PUDP: variants seen among roughly 807,000 people sequenced by gnomAD.
The protein encoded by PUDP is pseudouridine 5'-phosphatase, also known as pseudouridine-5'-phosphatase.
PUDP carries 8 observed loss-of-function variants against 9.4 expected under a neutral mutation model. That is an observed-to-expected ratio of 0.85 (90% confidence interval 0.50 to 1.53). The LOEUF (loss-of-function observed/expected upper bound fraction) is 1.53. Among genes scored for constraint, PUDP ranks in the 40% most tolerant of loss-of-function variants. PUDP has a pLI of 0.00. For missense variants in PUDP, 188 were observed against 189.7 expected, an observed-to-expected ratio of 0.99 and a Z score of 0.05; for synonymous variants, 99 against 80.7, an observed-to-expected ratio of 1.23 and a Z score of -1.22.
intron 3 of PUDP, among the ~76,000 whole-genome samples, chrX:6,804,052 A>T (rs1926008263): frequency 8.9e-6 from 1 of 111,787 alleles, no homozygotes; most frequent in African/African-American, 3.3e-5. Flanking sequence ...ATAGACATTT[A>T]GAAAAGCATG....
At chrX:7,063,238 C>T (rs897536341) in intron 3 of PUDP, among the ~76,000 whole-genome samples, 8 of 111,674 alleles carry the variant, frequency 7.2e-5, no homozygotes, top group Non-Finnish European at 1.1e-4. Flanking sequence ...TTATAGTTTG[C>T]TTGATATATG....
chrX:6,773,136 G>T (rs1210188920), intron 3 of PUDP, among the ~76,000 whole-genome samples: 1 of 112,266 alleles, frequency 8.9e-6, no homozygotes, highest in Non-Finnish European at 1.9e-5. Flanking sequence ...TGAGTGGAAA[G>T]TTGGGAATTT....
At chrX:6,967,725 C>A (rs1602694416) in intron 3 of PUDP, among the ~76,000 whole-genome samples, 2 of 111,708 alleles carry the variant, frequency 1.8e-5, no homozygotes, top group African/African-American at 6.5e-5. Context: ...AACTAGAAGC[C>A]CTCCTTCCCT....
At chrX:6,819,811 T>C (rs1303455020) in intron 3 of PUDP, among the ~76,000 whole-genome samples, 1 of 111,325 alleles carries the variant, frequency 9.0e-6, no homozygotes, top group Non-Finnish European at 1.9e-5. Context: ...TGCCCCATGG[T>C]GTCTTTACCA....
chrX:7,008,207 G>A (rs1267940363), intron 1 of PUDP, among the ~76,000 whole-genome samples: 5 of 110,564 alleles, frequency 4.5e-5, no homozygotes, highest in African/African-American at 6.6e-5. Context: ...CTCGTGATCC[G>A]CCCTCCTCGG....
At chrX:6,879,865 C>T (rs182020780) in intron 3 of PUDP, among the ~76,000 whole-genome samples, 34 of 110,936 alleles carry the variant, frequency 3.1e-4, no homozygotes, top group African/African-American at 9.8e-5. Context: ...CCATGGGACC[C>T]GCTGGGCTAA....
At chrX:7,059,679 C>T (rs753617219) in intron 3 of PUDP, among the ~76,000 whole-genome samples, 9 of 112,040 alleles carry the variant, frequency 8.0e-5, no homozygotes, top group Admixed American at 1.9e-4. Flanking sequence ...TATGGAAAAA[C>T]CACATTTAGG....
intron 3 of PUDP, among the ~76,000 whole-genome samples, chrX:7,052,743 G>A (rs938352971): frequency 6.3e-5 from 7 of 111,511 alleles, no homozygotes; most frequent in Non-Finnish European, 1.1e-4. Flanking sequence ...CAGCTGTTTC[G>A]GTTTGCTTGG....
intron 3 of PUDP, among the ~76,000 whole-genome samples, chrX:6,924,203 A>G (rs771692424): frequency 1.9e-4 from 21 of 111,492 alleles, no homozygotes; most frequent in Non-Finnish European, 3.8e-4. Context: ...TGTATTTATT[A>G]CATCTGTTAC....
chrX:7,075,905 A>G (rs781510759), intron 3 of PUDP, among the ~76,000 whole-genome samples: 3 of 111,423 alleles, frequency 2.7e-5, no homozygotes, highest in South Asian at 3.8e-4. Flanking sequence ...GGAACCCCCA[A>G]TTTGTAGCCA....
intron 3 of PUDP, among the ~76,000 whole-genome samples, chrX:6,960,814 T>G (rs1440941378): frequency 9.0e-6 from 1 of 111,517 alleles, no homozygotes; most frequent in African/African-American, 3.3e-5. Flanking sequence ...CAGCTTTTTT[T>G]TGTGTATGTG....
Position 6,995,971 on chromosome X carries a change from CT to C in PUDP, c.205-17629del, listed in dbSNP as rs991329485. On this transcript the variant is annotated intron_variant and NMD_transcript_variant, in intron 1 of 3. Transcript: ENST00000655425. ...TGTCTTTTCCATCTTTTGATGTTCT[CT>C]TTTTTTCTTTCCCACAAAGCCAAGC... is the stretch of plus-strand genomic sequence containing the variant. Among the ~76,000 whole-genome samples, 20 of 108,949 alleles carry C rather than the reference CT, an allele frequency of 1.8e-4. No individual in the cohort carries two copies. In the South Asian group the frequency reaches 2.1e-3, roughly 12 times the overall value. The allele number at this position is 108,949 out of a possible 115,157, so 94.6% of individuals were successfully genotyped here.
chrX:6,805,157 C>T (rs1926029241), intron 3 of PUDP, among the ~76,000 whole-genome samples: 1 of 111,211 alleles, frequency 9.0e-6, no homozygotes, highest in African/African-American at 3.3e-5. Context: ...GTAGTTCCAG[C>T]TACTCTGGAG....
intron 1 of PUDP, among the ~76,000 whole-genome samples, chrX:7,115,896 G>A (rs1419706498): frequency 7.1e-5 from 8 of 112,493 alleles, no homozygotes; most frequent in African/African-American, 2.6e-4. Context: ...TGGACTGGAA[G>A]AGTCTATCTG....
chrX:6,832,831 C>A (rs947580589), intron 3 of PUDP, among the ~76,000 whole-genome samples: 29 of 111,970 alleles, frequency 2.6e-4, no homozygotes, highest in Non-Finnish European at 5.1e-4. Flanking sequence ...TACTCAGCTG[C>A]TGCCCAAATT....
At position 7,077,374 on chromosome X, in the gene PUDP, G is replaced by A. The variant is rs1353961122; in HGVS notation, c.356C>T (p.Ser119Leu). The A allele has an allele frequency of 2.5e-6, 3 of 1,208,807 alleles. No homozygotes were observed. The highest frequency in any genetic ancestry group is 1.8e-5 in the South Asian group (1 of 56,705). The change falls in exon 3 of 4, where the codon TCG becomes TTG. Residue 119 changes from serine to leucine, a missense_variant. Physicochemically the swap from Ser to Leu is moderately radical, Grantham distance 145. Transcript: ENST00000381077. Reference protein sequence around the residue: ...FALATSSGSASFDMKTSRHKE... With the variant: ...FALATSSGSALFDMKTSRHKE... ...GTGGCGGCTTGTCTTCATATCGAAC[G>A]ACGCGGACCCCGAGCTGGTGGCCAG...
intron 1 of PUDP, among the ~76,000 whole-genome samples, chrX:7,132,434 G>T (rs1228036654): frequency 1.8e-5 from 2 of 111,604 alleles, no homozygotes; most frequent in African/African-American, 6.5e-5. Flanking sequence ...ATTGCTCAAT[G>T]ACTTGAAGTG....
chrX:6,893,898 C>T (rs775206220), intron 3 of PUDP, among the ~76,000 whole-genome samples: 1 of 111,844 alleles, frequency 8.9e-6, no homozygotes, highest in African/African-American at 3.2e-5. Context: ...TACATATACA[C>T]CATGGAATAC....
At position 7,148,143 on chromosome X, in the gene PUDP, G is replaced by A. The variant is rs1392332314; in HGVS notation, c.-30C>T. ...GCGCCTTCTGGGTCTGGGTGGGGGCGAGGAGGAAGTGCGCGCGCACCCGCC... is the reference window on the plus strand; with the variant it reads ...GCGCCTTCTGGGTCTGGGTGGGGGCAAGGAGGAAGTGCGCGCGCACCCGCC... On this transcript the variant is annotated 5_prime_UTR_variant, in exon 1 of 4. Coordinates refer to ENST00000381077, the MANE Select transcript of PUDP (RefSeq NM_012080.5). 17 of 1,052,475 alleles carry A rather than the reference G, an allele frequency of 1.6e-5. No homozygotes were observed. The South Asian group carries it at 2.3e-4, about 15-fold the overall frequency. 86.7% of individuals were successfully genotyped at this position (1,052,475 alleles called of 1,213,427 possible).
Sources: gnomAD v4.1 joint callset for allele counts (sites outside exome capture counted in the v4.1 genomes callset) on GRCh38, gnomAD v4.1.1 for gene constraint, MANE v1.5 for transcripts, NCBI Gene and HGNC (gene_info 2026-07-23, HGNC 2026-07-21) for gene names.